Variants in VPS13B observed in about 807,000 individuals in gnomAD.
VPS13B encodes the protein intermembrane lipid transfer protein VPS13B.
Under a neutral mutation model 426.4 loss-of-function variants are expected in VPS13B, and 285 were observed. That is an observed-to-expected ratio of 0.67 (90% confidence interval 0.61 to 0.74). VPS13B has a LOEUF of 0.74. VPS13B is among the 30% of genes least tolerant of loss of function. The pLI is 0.00. For synonymous variants in VPS13B, 1,676 were observed against 1,676.4 expected (o/e 1.00, Z 0.01); for missense variants, 4,537 against 4,782.6 (o/e 0.95, Z 1.51).
chr8:99,688,763 A>G (rs1454578933), intron 35 of VPS13B, among the ~76,000 whole-genome samples: 1 of 152,106 alleles, frequency 6.6e-6, no homozygotes, highest in Non-Finnish European at 1.5e-5. Flanking sequence ...TAGAAAAGCC[A>G]TACAAATGTA....
intron 19 of VPS13B, among the ~76,000 whole-genome samples, chr8:99,366,226 T>C (rs1315010060): frequency 6.6e-6 from 1 of 152,210 alleles, no homozygotes; most frequent in East Asian, 1.9e-4. Flanking sequence ...TGTTGGGGTC[T>C]ATCTTTCTAG....
At chr8:99,589,623 G>C (rs1826504739) in intron 33 of VPS13B, among the ~76,000 whole-genome samples, 1 of 151,662 alleles carries the variant, frequency 6.6e-6, no homozygotes, top group Non-Finnish European at 1.5e-5. Flanking sequence ...CATTTCGGTT[G>C]GTTCCAAGTC....
intron 2 of VPS13B, among the ~76,000 whole-genome samples, chr8:99,031,246 T>A (rs1842496605): frequency 6.6e-6 from 1 of 152,162 alleles, no homozygotes; most frequent in African/African-American, 2.4e-5. Flanking sequence ...TGTTTGGTTC[T>A]TTTTTATGGC....
At chr8:99,650,928 C>T (rs1189935052) in intron 34 of VPS13B, among the ~76,000 whole-genome samples, 2 of 152,040 alleles carry the variant, frequency 1.3e-5, no homozygotes, top group African/African-American at 4.8e-5. Context: ...CTAAACAATA[C>T]AGCATAACAA....
At position 99,821,290 on chromosome 8, in the gene VPS13B, C is replaced by T. The variant is rs2130821868; in HGVS notation, c.8995-4C>T. On this transcript the variant is annotated splice_polypyrimidine_tract_variant and splice_region_variant and intron_variant, in intron 49 of 61. Coordinates refer to ENST00000357162, the MANE Select transcript of VPS13B (RefSeq NM_152564.5). ...ACTTTATAATTGAGGCATTATTTTT[C>T]CAGGAAGCTTTTCAAATTGGAATAT... The T allele has an allele frequency of 6.2e-7, 1 of 1,613,120 alleles. No individual in the cohort carries two copies. Among genetic ancestry groups the T allele is most frequent in the Non-Finnish European group, 8.5e-7 (1 of 1,179,510 alleles).
chr8:99,168,371 A>T (rs993660277), intron 15 of VPS13B, among the ~76,000 whole-genome samples: 1 of 152,096 alleles, frequency 6.6e-6, no homozygotes, highest in African/African-American at 2.4e-5. Flanking sequence ...CAGTTGGTAG[A>T]TAGTGTCTGT....
chr8:99,273,639 G>A (rs1255142543), intron 17 of VPS13B, among the ~76,000 whole-genome samples: 1 of 151,968 alleles, frequency 6.6e-6, no homozygotes, highest in African/African-American at 2.4e-5. Context: ...ACAAAAATTA[G>A]CCAGGCTGGT....
intron 13 of VPS13B, among the ~76,000 whole-genome samples, chr8:99,146,332 A>G (rs922858355): frequency 4.6e-5 from 7 of 152,274 alleles, no homozygotes; most frequent in African/African-American, 9.6e-5. Context: ...TAAAAAATCA[A>G]TTGAGCATAT....
chr8:99,252,694 A>G (rs1212839066), intron 17 of VPS13B, among the ~76,000 whole-genome samples: 2 of 152,042 alleles, frequency 1.3e-5, no homozygotes, highest in Non-Finnish European at 2.9e-5. Context: ...CACATATTTT[A>G]TAGCTATGTT....
chr8:99,299,317 C>A (rs1162678065), intron 19 of VPS13B, among the ~76,000 whole-genome samples: 2 of 151,914 alleles, frequency 1.3e-5, no homozygotes, highest in African/African-American at 2.4e-5. Flanking sequence ...CTGCCTCAGG[C>A]TCCCAAAGTG....
intron 33 of VPS13B, among the ~76,000 whole-genome samples, chr8:99,624,983 A>G (rs1434243201): frequency 6.6e-6 from 1 of 151,962 alleles, no homozygotes; most frequent in African/African-American, 2.4e-5. Flanking sequence ...ATGCCCGGCT[A>G]ATTTTTGTTT....
intron 33 of VPS13B, among the ~76,000 whole-genome samples, chr8:99,617,142 T>A (rs953406949): frequency 3.3e-5 from 5 of 152,176 alleles, no homozygotes; most frequent in Admixed American, 2.0e-4. Flanking sequence ...GATTTGACAA[T>A]TCAGATGAGT....
At chr8:99,221,461 A>G (rs1815716006) in intron 17 of VPS13B, among the ~76,000 whole-genome samples, 2 of 152,234 alleles carry the variant, frequency 1.3e-5, no homozygotes, top group Admixed American at 6.5e-5. Context: ...AGAGGAAGAA[A>G]AATGAAAAGG....
intron 17 of VPS13B, among the ~76,000 whole-genome samples, chr8:99,210,176 A>T (rs1814994984): frequency 6.6e-6 from 1 of 152,176 alleles, no homozygotes; most frequent in Non-Finnish European, 1.5e-5. Context: ...CTGGACCAGA[A>T]TCCCATTTTA....
chr8:99,298,571 C>T (rs1436218853), intron 19 of VPS13B, among the ~76,000 whole-genome samples: 1 of 152,052 alleles, frequency 6.6e-6, no homozygotes, highest in Admixed American at 6.5e-5. Flanking sequence ...TCTTGGAGAT[C>T]GTCAAGATGT....
intron 3 of VPS13B, among the ~76,000 whole-genome samples, chr8:99,089,736 A>C (rs972731869): frequency 1.3e-5 from 2 of 152,178 alleles, no homozygotes; most frequent in African/African-American, 4.8e-5. Context: ...CACACTTAAA[A>C]AGGTGCCAGA....
intron 22 of VPS13B, among the ~76,000 whole-genome samples, chr8:99,437,577 G>A (rs1284541953): frequency 1.2e-4 from 18 of 152,012 alleles, no homozygotes; most frequent in Admixed American, 1.2e-3. Context: ...AATTAGCTGG[G>A]CTTGGTGGTG....
intron 5 of VPS13B, 77 bp downstream of exon 5, chr8:99,103,197 C>G (rs538064924): frequency 1.3e-6 from 2 of 1,514,834 alleles, no homozygotes; most frequent in East Asian, 4.5e-5. Flanking sequence ...TTCTTTGGGC[C>G]AACTGAGTTG....
intron 14 of VPS13B, among the ~76,000 whole-genome samples, chr8:99,149,979 C>T (rs72670297): frequency 0.17 from 25,792 of 152,014 alleles, 2,731 homozygotes; most frequent in East Asian, 0.38. Flanking sequence ...AATTAATCTC[C>T]GATGCCAGAA....
Sources: allele counts gnomAD v4.1 joint callset (sites outside exome capture counted in the v4.1 genomes callset), GRCh38; gene constraint gnomAD v4.1.1; transcripts MANE v1.5; gene names NCBI Gene and HGNC (gene_info 2026-07-23, HGNC 2026-07-21).